Variants in SCAF4 observed in about 807,000 individuals in gnomAD.
The protein encoded by SCAF4 is SR-related and CTD-associated factor 4.
Under a neutral mutation model 129.8 loss-of-function variants are expected in SCAF4, and 25 were observed. That is an observed-to-expected ratio of 0.19 (90% CI 0.14 to 0.27). The LOEUF is 0.27. Ranked by LOEUF, SCAF4 falls within the 10% of genes least tolerant of loss-of-function variation. SCAF4 has a pLI of 1.00. For synonymous variants in SCAF4, 551 were observed against 497.7 expected (o/e 1.11, Z -1.43); for missense variants, 1,246 against 1,457.1 (o/e 0.86, Z 2.36).
At chr21:31,727,656 G>C (rs968681356) in intron 1 of SCAF4, among the ~76,000 whole-genome samples, 10 of 152,034 alleles carry the variant, frequency 6.6e-5, no homozygotes, top group Admixed American at 5.9e-4. Context: ...GCTGGGAGTG[G>C]TGGTGTGCTC....
intron 16 of SCAF4, among the ~76,000 whole-genome samples, chr21:31,685,978 G>A (rs1203668311): frequency 1.3e-5 from 2 of 151,926 alleles, no homozygotes; most frequent in East Asian, 1.9e-4. Flanking sequence ...CGAGGCAGGC[G>A]GATCACCTAA....
intron 19 of SCAF4, among the ~76,000 whole-genome samples, chr21:31,679,520 G>A (rs1793901940): frequency 6.6e-6 from 1 of 152,072 alleles, no homozygotes; most frequent in Non-Finnish European, 1.5e-5. Flanking sequence ...GAGAGCTGCG[G>A]AAAATGGAAG....
intron 1 of SCAF4, among the ~76,000 whole-genome samples, chr21:31,719,947 T>C (rs908173889): frequency 3.3e-5 from 5 of 152,246 alleles, no homozygotes; most frequent in African/African-American, 1.2e-4. Flanking sequence ...TAGGTCATTT[T>C]CCAAATGTAC....
chr21:31,723,614 G>GTA (rs1163843433), intron 1 of SCAF4, among the ~76,000 whole-genome samples: 2 of 140,780 alleles, frequency 1.4e-5, no homozygotes, highest in Non-Finnish European at 3.2e-5. Flanking sequence ...TATATGATGT[G>GTA]TGTGTGTGTG....
intron 19 of SCAF4, among the ~76,000 whole-genome samples, chr21:31,676,416 T>C (rs908053997): frequency 6.6e-6 from 1 of 152,206 alleles, no homozygotes; most frequent in African/African-American, 2.4e-5. Flanking sequence ...AATCCTTACC[T>C]GCTCTGGAGT....
chr21:31,721,254 T>C (rs754198779), intron 1 of SCAF4, among the ~76,000 whole-genome samples: 2 of 152,218 alleles, frequency 1.3e-5, no homozygotes, highest in Non-Finnish European at 2.9e-5. Flanking sequence ...AAGACCTTCA[T>C]AAAGATTTGG....
chr21:31,718,511 GT>G (rs2050993336), intron 1 of SCAF4, among the ~76,000 whole-genome samples: 1 of 152,022 alleles, frequency 6.6e-6, no homozygotes, highest in African/African-American at 2.4e-5. Flanking sequence ...AGCCAGGATG[GT>G]TTCGAACTCC....
intron 3 of SCAF4, among the ~76,000 whole-genome samples, chr21:31,704,873 G>A (rs1035990136): frequency 6.6e-6 from 1 of 152,064 alleles, no homozygotes; most frequent in Admixed American, 6.6e-5. Flanking sequence ...GTATACAAGG[G>A]CCATGGATTA....
At chr21:31,674,175 A>T (rs965713716) in intron 19 of SCAF4, among the ~76,000 whole-genome samples, 14 of 152,202 alleles carry the variant, frequency 9.2e-5, no homozygotes, top group African/African-American at 2.9e-4. Flanking sequence ...AGAAGAGAGA[A>T]AATGGGCCCT....
Position 31,671,232 on chromosome 21 carries a change from T to C in SCAF4, c.*167A>G. The C allele has an allele frequency of 1.8e-6, 1 of 565,590 alleles. No homozygotes were observed. The highest frequency in any genetic ancestry group is 2.9e-6 in the Non-Finnish European group (1 of 350,706). The allele number at this position is 565,590 out of a possible 1,614,324, so 35.0% of individuals were successfully genotyped here. On this transcript the variant is annotated 3_prime_UTR_variant, in exon 20 of 20. Transcript: ENST00000286835. The stretch of plus-strand genomic sequence containing the variant: ...TTCATATTTTCAGTATTTTTTGTTA[T>C]TTTGTGGCTATTTTTAAATAGAAGG...
In SCAF4 at chr21:31,671,930, T is replaced by TTGTGATGGTGGTGGCTGC; in HGVS notation, c.2895_2912dup (p.Ser970_Pro975dup). On this transcript the variant is annotated inframe_insertion, in exon 20 of 20. Transcript: ENST00000286835. The stretch of plus-strand genomic sequence containing the variant: ...GCTGCTGCTGTGTTGGTGGAGGCTG[T>TTGTGATGGTGGTGGCTGC]TGTGATGGTGGTGGCTGCTGCTGCT... 1 of 1,611,596 alleles carries TTGTGATGGTGGTGGCTGC rather than the reference T, an allele frequency of 6.2e-7. No homozygotes were observed. The highest frequency in any genetic ancestry group is 8.5e-7 in the Non-Finnish European group (1 of 1,178,052).
At chr21:31,719,418 T>A (rs939396508) in intron 1 of SCAF4, among the ~76,000 whole-genome samples, 2 of 152,226 alleles carry the variant, frequency 1.3e-5, no homozygotes, top group Non-Finnish European at 2.9e-5. Context: ...TACCATTTAC[T>A]CCGGGCAGAA....
rs150267574 is a variant in SCAF4 at position 31,671,566 on chromosome 21, C to T, written c.3277G>A (p.Val1093Ile). 5 of 1,614,024 alleles carry T rather than the reference C, an allele frequency of 3.1e-6. No homozygotes were observed. Among genetic ancestry groups the T allele is most frequent in the Non-Finnish European group, 4.2e-6 (5 of 1,179,998 alleles). ...VTDRAGGNKT[V>I]EPPISQVGNV... ...CCCACTTGGCTAATGGGAGGTTCAA[C>T]GGTTTTGTTACCACCTGCCCTGTCT... Residue 1093 changes from valine (V) to isoleucine (I), a missense_variant, in exon 20 of 20, where the codon GTT becomes ATT. Physicochemically the swap from Val to Ile is conservative, Grantham distance 29. Transcript: ENST00000286835.
At chr21:31,718,952 T>A (rs2051004412) in intron 1 of SCAF4, among the ~76,000 whole-genome samples, 1 of 152,212 alleles carries the variant, frequency 6.6e-6, no homozygotes, top group Non-Finnish European at 1.5e-5. Flanking sequence ...AACACCATTT[T>A]TAGGTTAACT....
At position 31,685,731 on chromosome 21, in the gene SCAF4, G is replaced by A; in HGVS notation, c.2046C>T (p.Val682=). The A allele has an allele frequency of 6.4e-7, 1 of 1,573,690 alleles. No homozygotes were observed. Among genetic ancestry groups the A allele is most frequent in the South Asian group, 1.2e-5 (1 of 83,842 alleles). ...PAPITVPPPQ[V]PPHQPGPPVV... ...CAGGTGGACCCGGTTGATGTGGTGGGACCTAGAAAGAAAGATAAAAGAATA... is the reference window on the plus strand; with the variant it reads ...CAGGTGGACCCGGTTGATGTGGTGGAACCTAGAAAGAAAGATAAAAGAATA... Residue 682 remains valine (V), a splice_region_variant and synonymous_variant, in exon 17 of 20, where the codon GTC becomes GTT. Transcript: ENST00000286835.
intron 1 of SCAF4, chr21:31,712,948 C>T (rs1267291121): frequency 1.3e-6 from 1 of 781,554 alleles, no homozygotes; most frequent in African/African-American, 1.9e-5. Context: ...CTAACTCCTA[C>T]CCCCTCTCAC....
At chr21:31,722,378 A>C (rs1029743472) in intron 1 of SCAF4, among the ~76,000 whole-genome samples, 19 of 152,294 alleles carry the variant, frequency 1.2e-4, no homozygotes, top group Middle Eastern at 3.4e-3. Flanking sequence ...AGTATATTCA[A>C]AATTATAGCT....
rs185619826 is a variant in SCAF4, at chr21:31,673,792, A to G, written c.2489-1438T>C. The stretch of plus-strand genomic sequence containing the variant: ...ATATGCCCAGGCACAGTCTCTTTTA[A>G]TAGAGGGATCATTATATAGAAACAC... On this transcript the variant is annotated intron_variant, in intron 19 of 19. Transcript: ENST00000286835. Among the ~76,000 whole-genome samples, 363 of 152,372 alleles carry G rather than the reference A, an allele frequency of 2.4e-3. 2 individuals carry two copies. Among genetic ancestry groups the G allele is most frequent in the African/African-American group, 8.3e-3 (345 of 41,588 alleles).
intron 1 of SCAF4, among the ~76,000 whole-genome samples, chr21:31,708,265 A>G (rs1007508069): frequency 5.3e-5 from 8 of 151,998 alleles, no homozygotes; most frequent in African/African-American, 1.9e-4. Context: ...AGTCCCAGCT[A>G]CTTGGGAGGC....
Sources: gnomAD v4.1 joint callset for allele counts (sites outside exome capture counted in the v4.1 genomes callset) on GRCh38, gnomAD v4.1.1 for gene constraint, MANE v1.5 for transcripts, NCBI Gene and HGNC (gene_info 2026-07-23, HGNC 2026-07-21) for gene names.